BMERB1: variants seen among roughly 807,000 people sequenced by gnomAD.
The protein encoded by BMERB1 is bMERB domain-containing protein 1.
Under a neutral mutation model 23.6 loss-of-function variants are expected in BMERB1, and 12 were observed. That is an observed-to-expected ratio of 0.51 (90% confidence interval 0.33 to 0.82). The LOEUF (loss-of-function observed/expected upper bound fraction) is 0.82, where lower values mean the gene tolerates loss of function less well. Among genes scored for constraint, BMERB1 ranks in the 40% least tolerant of loss-of-function variants. The probability of loss-of-function intolerance (pLI) is 0.03; values close to 1 mark genes in which losing one functional copy is unlikely to be tolerated. For missense variants in BMERB1, 247 were observed against 255.4 expected (o/e 0.97, Z 0.22); for synonymous variants, 122 against 96.6 (o/e 1.26, Z -1.54).
intron 1 of BMERB1, among the ~76,000 whole-genome samples, chr16:15,451,171 G>A (rs991839866): frequency 3.9e-5 from 6 of 152,246 alleles, no homozygotes; most frequent in South Asian, 4.2e-4. Context: ...GCAACCTTTC[G>A]TTTGTTTGTT....
intron 2 of BMERB1, among the ~76,000 whole-genome samples, chr16:15,515,950 G>A (rs986652753): frequency 6.6e-6 from 1 of 152,162 alleles, no homozygotes. Context: ...AGTCTTTCAA[G>A]ACAAACTCTC....
chr16:15,478,262 C>A (rs553274648), intron 1 of BMERB1, among the ~76,000 whole-genome samples: 1 of 152,188 alleles, frequency 6.6e-6, no homozygotes, highest in East Asian at 1.9e-4. Flanking sequence ...CGGGTTCAAG[C>A]GATTCTCCTG....
intron 2 of BMERB1, among the ~76,000 whole-genome samples, chr16:15,529,328 G>A (rs2051945467): frequency 6.6e-6 from 1 of 152,066 alleles, no homozygotes; most frequent in South Asian, 2.1e-4. Flanking sequence ...GCCCGGCGGT[G>A]TTTGTTGTTT....
chr16:15,456,697 G>A (rs1309426915), intron 1 of BMERB1, among the ~76,000 whole-genome samples: 1 of 152,046 alleles, frequency 6.6e-6, no homozygotes, highest in Non-Finnish European at 1.5e-5. Context: ...TTCAGTGTCT[G>A]GTTATACCTT....
intron 2 of BMERB1, among the ~76,000 whole-genome samples, chr16:15,517,969 ATG>A (rs1472895439): frequency 7.5e-5 from 8 of 106,076 alleles, no homozygotes; most frequent in South Asian, 6.4e-4. Flanking sequence ...GTGGGTGTGT[ATG>A]TGTGCGTGTG....
intron 2 of BMERB1, among the ~76,000 whole-genome samples, chr16:15,518,960 C>T (rs562207986): frequency 6.6e-6 from 1 of 152,160 alleles, no homozygotes; most frequent in South Asian, 2.1e-4. Flanking sequence ...ATCCAATTTC[C>T]TCACAACGTC....
At chr16:15,557,088 A>G (rs375590687) in intron 2 of BMERB1, among the ~76,000 whole-genome samples, 5 of 152,152 alleles carry the variant, frequency 3.3e-5, no homozygotes, top group Admixed American at 6.5e-5. Flanking sequence ...TTTCACAAAC[A>G]TTTTGTAAAG....
chr16:15,436,343 C>T (rs1288040324), intron 1 of BMERB1, among the ~76,000 whole-genome samples: 3 of 150,992 alleles, frequency 2.0e-5, no homozygotes, highest in African/African-American at 7.3e-5. Flanking sequence ...ACTGCGACCT[C>T]CACTTCCTGG....
intron 1 of BMERB1, among the ~76,000 whole-genome samples, chr16:15,478,910 T>C (rs2051295826): frequency 6.6e-6 from 1 of 152,220 alleles, no homozygotes; most frequent in Non-Finnish European, 1.5e-5. Flanking sequence ...CGAAAAGCAC[T>C]TCTTCTGGAT....
chr16:15,479,100 C>T (rs1311674854), intron 1 of BMERB1, among the ~76,000 whole-genome samples: 1 of 152,150 alleles, frequency 6.6e-6, no homozygotes, highest in Non-Finnish European at 1.5e-5. Flanking sequence ...GTAAATAAGC[C>T]TGTCACTTCA....
intron 1 of BMERB1, among the ~76,000 whole-genome samples, chr16:15,494,601 A>C (rs2051455478): frequency 6.6e-6 from 1 of 152,134 alleles, no homozygotes; most frequent in African/African-American, 2.4e-5. Context: ...GAATATCCTT[A>C]ATGTGATAAA....
chr16:15,515,162 T>C lies in BMERB1; in HGVS notation c.107-143T>C, dbSNP rs917264531. The stretch of plus-strand genomic sequence containing the variant: ...GGTTCCCAAAGGGTGTGCTCACGAA[T>C]ACACATTTGTGGCACAGGCTGAAGT... On this transcript the variant is annotated intron_variant, in intron 1 of 5. Coordinates refer to ENST00000300006, the MANE Select transcript of BMERB1 (RefSeq NM_033201.3). 3.4e-5 allele frequency: 37 copies of C among 1,073,412 alleles called. 1 individual carries two copies. The highest frequency in any genetic ancestry group is 4.9e-5 in the Non-Finnish European group (36 of 740,130). The allele number at this position is 1,073,412 out of a possible 1,614,324, so 66.5% of individuals were successfully genotyped here. A position where few individuals can be genotyped will look rare whatever the true frequency, so the allele number is the denominator to read the frequency against.
At chr16:15,502,393 G>A in intron 1 of BMERB1, 1 of 1,539,220 alleles carries the variant, frequency 6.5e-7, no homozygotes, top group Non-Finnish European at 8.8e-7. Flanking sequence ...TCGCTCTTGG[G>A]GGCCCAGTGG....
chr16:15,471,118 T>A (rs1435775430), intron 1 of BMERB1, among the ~76,000 whole-genome samples: 1 of 152,140 alleles, frequency 6.6e-6, no homozygotes, highest in Non-Finnish European at 1.5e-5. Context: ...ATTACAGGCG[T>A]CAGCCACTGT....
intron 2 of BMERB1, among the ~76,000 whole-genome samples, chr16:15,520,688 C>T (rs1036235180): frequency 6.6e-6 from 1 of 151,906 alleles, no homozygotes; most frequent in Non-Finnish European, 1.5e-5. Context: ...GGGGTTTCAC[C>T]GTGTTAGCCA....
chr16:15,567,054 C>G (rs747620935), intron 2 of BMERB1, among the ~76,000 whole-genome samples: 3 of 151,922 alleles, frequency 2.0e-5, no homozygotes, highest in Non-Finnish European at 2.9e-5. Context: ...GTAGTCCCAG[C>G]TACTCCGTAG....
intron 3 of BMERB1, among the ~76,000 whole-genome samples, chr16:15,580,800 C>T (rs1055655731): frequency 1.3e-5 from 2 of 152,088 alleles, no homozygotes; most frequent in Admixed American, 6.6e-5. Context: ...CCACCTTGGC[C>T]TCCCAAAGTG....
chr16:15,501,604 AGCT>A (rs2051531284), intron 1 of BMERB1, among the ~76,000 whole-genome samples: 1 of 152,116 alleles, frequency 6.6e-6, no homozygotes, highest in African/African-American at 2.4e-5. Flanking sequence ...CGTCCTGAAT[AGCT>A]GGGATTACAG....
chr16:15,444,137 T>TG (rs2050969105), intron 1 of BMERB1, among the ~76,000 whole-genome samples: 1 of 131,314 alleles, frequency 7.6e-6, no homozygotes, highest in African/African-American at 2.9e-5. Flanking sequence ...TTTTTTTTTT[T>TG]TTTTTTTTTT....
Sources: allele counts gnomAD v4.1 joint callset (sites outside exome capture counted in the v4.1 genomes callset), GRCh38; gene constraint gnomAD v4.1.1; transcripts MANE v1.5; gene names NCBI Gene and HGNC (gene_info 2026-07-23, HGNC 2026-07-21).